The following OR4K17 variants were observed in gnomAD, a reference collection of about 807,000 sequenced individuals.
OR4K17 encodes the protein olfactory receptor 4K17.
For missense variants in OR4K17, 480 were observed against 366.3 expected, an observed-to-expected ratio of 1.31 and a Z score of -2.53; for synonymous variants, 157 against 132.8, an observed-to-expected ratio of 1.18 and a Z score of -1.25.
Position 20,121,419 on chromosome 14 carries a change from C to T in OR4K17, c.*2981C>T. ...GAGATTGAAATAGTTTTTAAAATTCCAGAAATTTGTTTAAAAATAAATAAC... is the reference window on the plus strand; with the variant it reads ...GAGATTGAAATAGTTTTTAAAATTCTAGAAATTTGTTTAAAAATAAATAAC... On this transcript the variant is annotated 3_prime_UTR_variant, in exon 2 of 2. Transcript: ENST00000641386. 6.6e-6 allele frequency: 1 copy of T among 152,046 alleles called. No individual in the cohort carries two copies. Among genetic ancestry groups the T allele is most frequent in the East Asian group, 1.9e-4 (1 of 5,178 alleles). 9.4% of individuals were successfully genotyped at this position (152,046 alleles called of 1,614,324 possible).
Position 20,117,593 on chromosome 14 carries a change from T to C in OR4K17, c.94T>C (p.Ser32Pro). ...DVEFLLFALFSVIYVVTVLGN... is the reference protein window; with the variant it reads ...DVEFLLFALFPVIYVVTVLGN... ...AGAGTTTCTTCTCTTTGCCCTCTTC[T>C]CGGTTATCTATGTGGTCACAGTTTT... The change falls in exon 2 of 2, where the codon TCG becomes CCG. Residue 32 changes from serine (S) to proline (P), a missense_variant. Ser to Pro is a moderately conservative substitution (Grantham distance 74, BLOSUM62 -1). Transcript: ENST00000641386. 1 of 1,614,012 alleles carries C rather than the reference T, an allele frequency of 6.2e-7. No homozygotes were observed.
At chr14:20,111,552 C>G (rs1171313754) in intron 1 of OR4K17, among the ~76,000 whole-genome samples, 4 of 151,914 alleles carry the variant, frequency 2.6e-5, no homozygotes, top group Non-Finnish European at 5.9e-5. Context: ...TCTCAAAAAC[C>G]CTTGCTAATT....
Sources: allele counts gnomAD v4.1 joint callset (sites outside exome capture counted in the v4.1 genomes callset), GRCh38; gene constraint gnomAD v4.1.1; transcripts MANE v1.5; gene names NCBI Gene and HGNC (gene_info 2026-07-23, HGNC 2026-07-21).